The following ZNF721 variants were observed in gnomAD, a reference collection of about 807,000 sequenced individuals.
ZNF721 encodes zinc finger protein 721.
In ZNF721, 2 loss-of-function variants were observed where a neutral mutation model predicts 2.4. That is an observed-to-expected ratio of 0.82 (90% CI 0.34 to 2.58). ZNF721 has a LOEUF of 2.58. Ranked by LOEUF, ZNF721 falls within the 30% of genes most tolerant of loss-of-function variation. The pLI is 0.11. For missense variants in ZNF721, 1,187 were observed against 1,085.5 expected, an observed-to-expected ratio of 1.09 and a Z score of -1.31; for synonymous variants, 398 against 381.8, an observed-to-expected ratio of 1.04 and a Z score of -0.50.
Position 442,443 on chromosome 4 carries a change from C to T in ZNF721, c.2024G>A (p.Gly675Asp). The T allele has an allele frequency of 1.2e-6, 2 of 1,613,874 alleles. No homozygotes were observed. Among genetic ancestry groups the T allele is most frequent in the South Asian group, 1.1e-5 (1 of 91,078 alleles). The change falls in exon 3 of 3, where the codon GGC (glycine) becomes GAC (aspartate). Residue 675 changes from glycine (G) to aspartate (D), a missense_variant. Physicochemically the swap from Gly to Asp is moderately conservative, Grantham distance 94 (BLOSUM62 -1). Transcript: ENST00000511833. ...GEQSYKCEEC[G>D]KAFGWSIALN... The stretch of plus-strand genomic sequence containing the variant: ...GGCTATGGACCATCCAAAGGCTTTG[C>T]CACACTCTTCACATTTGTAACTTTG...
At chr4:493,239 T>C (rs1303360664) in intron 1 of ZNF721, among the ~76,000 whole-genome samples, 1 of 152,226 alleles carries the variant, frequency 6.6e-6, no homozygotes, top group East Asian at 1.9e-4. Context: ...ACTGTCCTTG[T>C]TCATTCCTAG....
chr4:456,081 TATTTATTG>T (rs1714839683), intron 2 of ZNF721, among the ~76,000 whole-genome samples: 1 of 151,660 alleles, frequency 6.6e-6, no homozygotes, highest in African/African-American at 2.4e-5. Context: ...TTTATTTATT[TATTTATTG>T]AGATGGAGTC....
intron 2 of ZNF721, among the ~76,000 whole-genome samples, chr4:454,997 C>T (rs139616585): frequency 0.013 from 2,019 of 152,276 alleles, 27 homozygotes; most frequent in Non-Finnish European, 0.022. Context: ...CAAAGCTTCA[C>T]GAGACCTCTC....
chr4:454,186 G>C (rs184894528), intron 2 of ZNF721: 2 of 152,200 alleles, frequency 1.3e-5, no homozygotes, highest in African/African-American at 2.4e-5. Flanking sequence ...TGGATACTAC[G>C]GGTGGTGATA....
chr4:448,408 C>T (rs1553864430), intron 2 of ZNF721, among the ~76,000 whole-genome samples: 1 of 150,438 alleles, frequency 6.6e-6, no homozygotes, highest in African/African-American at 2.4e-5. Context: ...TGCACTCCAG[C>T]CTGGGTGACA....
At chr4:453,446 C>G (rs11737700) in intron 2 of ZNF721, 26,873 of 152,260 alleles carry the variant, frequency 0.18, 2,982 homozygotes, top group Non-Finnish European at 0.23. Context: ...TCTCTGTTTT[C>G]TCTTGACAGA....
chr4:447,087 C>T (rs1261596676), intron 2 of ZNF721, among the ~76,000 whole-genome samples: 19 of 151,952 alleles, frequency 1.3e-4, no homozygotes, highest in Admixed American at 5.2e-4. Flanking sequence ...TTTGGGAGGC[C>T]GAGGCGGGTG....
intron 2 of ZNF721, among the ~76,000 whole-genome samples, chr4:447,412 T>G (rs1010949778): frequency 6.6e-6 from 1 of 151,964 alleles, no homozygotes; most frequent in Non-Finnish European, 1.5e-5. Flanking sequence ...AGTATCTCTA[T>G]AGATACGCCA....
chr4:461,460 AAT>A (rs1309361925), intron 2 of ZNF721, among the ~76,000 whole-genome samples: 1 of 109,376 alleles, frequency 9.1e-6, no homozygotes, highest in East Asian at 2.5e-4. Context: ...ATCTCAAAAT[AAT>A]AAGAGCTATT....
At chr4:480,851 ATG>A (rs1303351115) in intron 1 of ZNF721, among the ~76,000 whole-genome samples, 2 of 147,212 alleles carry the variant, frequency 1.4e-5, no homozygotes, top group Non-Finnish European at 3.0e-5. Flanking sequence ...TGTTATACAC[ATG>A]TGTGTGCAAA....
chr4:467,606 C>G (rs782813952), intron 2 of ZNF721, among the ~76,000 whole-genome samples: 1 of 152,212 alleles, frequency 6.6e-6, no homozygotes. Context: ...GTGCATGCAG[C>G]TTGGTCTTAC....
At position 461,233 on chromosome 4, in the gene ZNF721, C is replaced by T. The variant is rs61321212; in HGVS notation, c.34+11342G>A. ...CTGGCAAACCAAATGAATCCAGCAG[C>T]GCATCAAAAAGCTTATCCGCCATGA... On this transcript the variant is annotated intron_variant, in intron 2 of 2. Coordinates refer to ENST00000511833, the MANE Select transcript of ZNF721 (RefSeq NM_133474.4). Among the ~76,000 whole-genome samples, 848 of 152,214 alleles carry T rather than the reference C, an allele frequency of 5.6e-3. 11 individuals are homozygous for T. The highest frequency in any genetic ancestry group is 0.018 in the African/African-American group (765 of 41,530).
rs1714211631 is a variant in ZNF721, at chr4:440,902, G to C, written c.*793C>G. On this transcript the variant is annotated 3_prime_UTR_variant, in exon 3 of 3. Transcript: ENST00000511833. Reference sequence around the variant, plus strand: ...GCTGTCCTTGAACTCCCGACCTCAGGTGATCCACCCTCCTTGGCCTCCCAA... The same window carrying C: ...GCTGTCCTTGAACTCCCGACCTCAGCTGATCCACCCTCCTTGGCCTCCCAA... The C allele has an allele frequency of 6.6e-6, 1 of 152,384 alleles. No individual in the cohort carries two copies. Among genetic ancestry groups the C allele is most frequent in the African/African-American group, 2.4e-5 (1 of 41,572 alleles). 9.4% of individuals were successfully genotyped at this position (152,384 alleles called of 1,614,324 possible). A position where few individuals can be genotyped will look rare whatever the true frequency, so the allele number is the denominator to read the frequency against.
At position 496,707 on chromosome 4, in the gene ZNF721, C is replaced by CTTTTTTTTTTT. The variant is rs781947891; in HGVS notation, c.-94+2338_-94+2348dup. Among the ~76,000 whole-genome samples, 33 of 83,888 alleles carry CTTTTTTTTTTT rather than the reference C, an allele frequency of 3.9e-4. 2 individuals are homozygous for CTTTTTTTTTTT. The highest frequency in any genetic ancestry group is 7.5e-4 in the African/African-American group (16 of 21,472). The allele number at this position is 83,888 out of a possible 152,430, so 55.0% of individuals were successfully genotyped here. On this transcript the variant is annotated intron_variant, in intron 1 of 2. Transcript: ENST00000511833. ...AATGATCACACAAAATACATGACTT[C>CTTTTTTTTTTT]TTTTTTTTTTTTTTTTTTTTTTTTT...
At chr4:485,563 A>T (rs1314916840) in intron 1 of ZNF721, among the ~76,000 whole-genome samples, 1 of 152,180 alleles carries the variant, frequency 6.6e-6, no homozygotes, top group East Asian at 1.9e-4. Flanking sequence ...TTTCACATTA[A>T]TTTGAGAAAT....
rs1473240282 is a variant in ZNF721, at chr4:443,399, A to G, written c.1068T>C (p.Thr356=). The change falls in exon 3 of 3, where the codon ACT becomes ACC. Residue 356 remains threonine (T), a synonymous_variant. Transcript: ENST00000511833. ...CTTCGCATTTGTAAGGTTTCTCTCC[A>G]GTATGAATTCTCCTATGTACGTAAA... ...ANLYVHRRIH[T]GEKPYKCEDC... The G allele has an allele frequency of 6.2e-7, 1 of 1,612,944 alleles. No homozygotes were observed. The highest frequency in any genetic ancestry group is 8.5e-7 in the Non-Finnish European group (1 of 1,179,176).
At chr4:449,343 A>G (rs1714576733) in intron 2 of ZNF721, among the ~76,000 whole-genome samples, 1 of 152,152 alleles carries the variant, frequency 6.6e-6, no homozygotes, top group Admixed American at 6.5e-5. Context: ...TTGTTATTGG[A>G]AAAAGACAAT....
chr4:491,892 T>C (rs1018096654), intron 1 of ZNF721, among the ~76,000 whole-genome samples: 4 of 151,980 alleles, frequency 2.6e-5, no homozygotes, highest in African/African-American at 9.7e-5. Flanking sequence ...CAGTGGCTCA[T>C]GCCTGTAATC....
In ZNF721 at chr4:444,397, C is replaced by G. The variant is rs1714401823; in HGVS notation, c.70G>C (p.Val24Leu). Residue 24 changes from valine to leucine, a missense_variant, in exon 3 of 3, where the codon GTG (valine) becomes CTG (leucine). Val to Leu is a conservative substitution (Grantham distance 32). Coordinates refer to ENST00000511833, the MANE Select transcript of ZNF721 (RefSeq NM_133474.4). ...CSHFTQDFLP[V>L]QGIEDSFHKL... ...TGGAATGAATCTTCTATCCCCTGCA[C>G]TGGCAAAAAGTCTTGGGTGAAATGA... The G allele has an allele frequency of 1.9e-6, 3 of 1,597,316 alleles. No homozygotes were observed. The highest frequency in any genetic ancestry group is 1.7e-6 in the Non-Finnish European group (2 of 1,173,172).
Sources: allele counts gnomAD v4.1 joint callset (sites outside exome capture counted in the v4.1 genomes callset), GRCh38; gene constraint gnomAD v4.1.1; transcripts MANE v1.5; gene names NCBI Gene and HGNC (gene_info 2026-07-23, HGNC 2026-07-21).